The following C3orf49 variants were observed in gnomAD, a reference collection of about 807,000 sequenced individuals.
C3orf49 encodes the protein chromosome 3 open reading frame 49, also known as putative uncharacterized protein C3orf49.
Under a neutral mutation model 13.3 loss-of-function variants are expected in C3orf49, and 27 were observed. The observed-to-expected ratio is 2.02, with a 90% CI of 1.49 to 2.79. C3orf49 has a LOEUF of 2.79. Ranked by LOEUF, C3orf49 falls within the 30% of genes most tolerant of loss-of-function variation. The probability of loss-of-function intolerance (pLI) is 0.00; values close to 1 mark genes in which losing one functional copy is unlikely to be tolerated. For missense variants in C3orf49, 242 were observed against 134.2 expected, an observed-to-expected ratio of 1.80 and a Z score of -3.97; for synonymous variants, 87 against 47.6, an observed-to-expected ratio of 1.83 and a Z score of -3.40.
At chr3:63,842,012 A>C (rs915228920) in intron 5 of C3orf49, among the ~76,000 whole-genome samples, 1 of 152,190 alleles carries the variant, frequency 6.6e-6, no homozygotes, top group Admixed American at 6.5e-5. Context: ...AGTAATAGGA[A>C]AACAACATCT....
the C3orf49 span, among the ~76,000 whole-genome samples, chr3:63,788,563 A>C: frequency 1.3e-5 from 2 of 152,258 alleles, no homozygotes; most frequent in Non-Finnish European, 2.9e-5. Flanking sequence ...AGGCAAGAGA[A>C]GAATGGTCTA....
At chr3:63,847,928 T>A (rs1026366176) in intron 6 of C3orf49, among the ~76,000 whole-genome samples, 1 of 152,060 alleles carries the variant, frequency 6.6e-6, no homozygotes, top group Non-Finnish European at 1.5e-5. Flanking sequence ...TAGGCCATGA[T>A]GGGAATGGGG....
rs1701954459 is a variant in C3orf49, at chr3:63,848,619, A to T, written c.*286A>T. The T allele has an allele frequency of 6.6e-6, 1 of 152,204 alleles. No individual in the cohort carries two copies. Among genetic ancestry groups the T allele is most frequent in the South Asian group, 2.1e-4 (1 of 4,830 alleles). 9.4% of individuals were successfully genotyped at this position (152,204 alleles called of 1,614,324 possible). A position where few individuals can be genotyped will look rare whatever the true frequency, so the allele number is the denominator to read the frequency against. ...GCATGTCTTTAACCTTGGCAAAATA[A>T]ACTCCTAAATTGATTAAGACTTGTC... On this transcript the variant is annotated 3_prime_UTR_variant, in exon 7 of 7. Transcript: ENST00000295896.
the C3orf49 span, among the ~76,000 whole-genome samples, chr3:63,790,386 T>C: frequency 1.3e-5 from 2 of 152,214 alleles, no homozygotes; most frequent in Admixed American, 6.5e-5. Context: ...GTAATGTTTA[T>C]GTACTCTGAA....
intron 5 of C3orf49, chr3:63,838,054 T>C: frequency 6.2e-7 from 1 of 1,605,594 alleles, no homozygotes; most frequent in African/African-American, 1.3e-5. Flanking sequence ...GCTCCAGCTA[T>C]GCTACATTCT....
chr3:63,788,468 G>A, the C3orf49 span, among the ~76,000 whole-genome samples: 6 of 152,160 alleles, frequency 3.9e-5, no homozygotes, highest in Admixed American at 6.5e-5. Context: ...ACGTTGTTAC[G>A]GAGCAACTCA....
rs1374203390 is a variant in C3orf49, at chr3:63,848,467, T to C, written c.*134T>C. The stretch of plus-strand genomic sequence containing the variant: ...ACCTTCAAGCTGTCCTGCTTTTCTG[T>C]ACTGAACCAATATACATCTTACGTG... On this transcript the variant is annotated 3_prime_UTR_variant, in exon 7 of 7. Coordinates refer to ENST00000295896, the MANE Select transcript of C3orf49 (RefSeq NM_001355236.2). The C allele has an allele frequency of 5.9e-5, 9 of 152,224 alleles. No individual in the cohort carries two copies. The highest frequency in any genetic ancestry group is 5.2e-4 in the Admixed American group (8 of 15,276). 9.4% of individuals were successfully genotyped at this position (152,224 alleles called of 1,614,324 possible). A position where few individuals can be genotyped will look rare whatever the true frequency, so the allele number is the denominator to read the frequency against.
chr3:63,816,163 A>G (rs371752277), upstream of C3orf49, among the ~76,000 whole-genome samples: 2 of 148,314 alleles, frequency 1.3e-5, no homozygotes, highest in African/African-American at 5.0e-5. Context: ...GTCTCATAGC[A>G]TACTTTGTCA....
intron 5 of C3orf49, chr3:63,835,350 G>T: frequency 6.2e-7 from 1 of 1,613,474 alleles, no homozygotes; most frequent in Non-Finnish European, 8.5e-7. Flanking sequence ...TCTTTAATGT[G>T]TGAAAGATGC....
chr3:63,845,147 A>G, intron 6 of C3orf49, 65 bp downstream of exon 6: 1 of 627,504 alleles, frequency 1.6e-6, no homozygotes, highest in East Asian at 2.7e-5. Context: ...CTGAGGGTTA[A>G]GTCCCCCTCA....
At chr3:63,827,776 C>G in intron 3 of C3orf49, 51 bp downstream of exon 3, 1 of 686,672 alleles carries the variant, frequency 1.5e-6, no homozygotes, top group South Asian at 1.5e-5. Context: ...AACTCAATGT[C>G]TAGAGATTTT....
chr3:63,828,417 A>G (rs1246978590), intron 3 of C3orf49, among the ~76,000 whole-genome samples: 3 of 152,154 alleles, frequency 2.0e-5, no homozygotes, highest in African/African-American at 7.2e-5. Context: ...CTCTTACCTC[A>G]GCCTCCCATC....
rs1448353566 is a variant in C3orf49, at chr3:63,845,096, T to G, written c.*30+14T>G. On this transcript the variant is annotated intron_variant, in intron 6 of 6. Coordinates refer to ENST00000295896, the MANE Select transcript of C3orf49 (RefSeq NM_001355236.2). ...ACACAGGAAAAGGTGATGCTAACCT[T>G]CTTTTCTGGGGGTGGGGGGTACTAT... 5 of 693,928 alleles carry G rather than the reference T, an allele frequency of 7.2e-6. No homozygotes were observed. Among genetic ancestry groups the G allele is most frequent in the Admixed American group, 2.1e-5 (1 of 48,458 alleles). The allele number at this position is 693,928 out of a possible 1,614,324, so 43.0% of individuals were successfully genotyped here.
upstream of C3orf49, among the ~76,000 whole-genome samples, chr3:63,815,728 T>G (rs2107085757): frequency 6.6e-6 from 1 of 152,220 alleles, no homozygotes; most frequent in South Asian, 2.1e-4. Context: ...TCTACCACGT[T>G]TTTCTACTTT....
At chr3:63,795,237 A>C in the C3orf49 span, among the ~76,000 whole-genome samples, 7 of 152,092 alleles carry the variant, frequency 4.6e-5, no homozygotes, top group African/African-American at 1.7e-4. Flanking sequence ...AATCAGACTG[A>C]TTGAGGGCTA....
At chr3:63,807,857 CAAAAAAAAAAAAAAA>C in the C3orf49 span, among the ~76,000 whole-genome samples, 1 of 32,246 alleles carries the variant, frequency 3.1e-5, no homozygotes, top group South Asian at 1.2e-3. Context: ...AACTTCATCT[CAAAAAAAAAAAAAAA>C]AAAAAAGAAA....
the C3orf49 span, among the ~76,000 whole-genome samples, chr3:63,803,401 TCC>T: frequency 6.6e-6 from 1 of 152,176 alleles, no homozygotes; most frequent in Non-Finnish European, 1.5e-5. Context: ...CCTCTTGCTC[TCC>T]TCCTTTTGCC....
the C3orf49 span, among the ~76,000 whole-genome samples, chr3:63,807,391 A>G: frequency 1.3e-5 from 2 of 152,126 alleles, no homozygotes; most frequent in Non-Finnish European, 2.9e-5. Flanking sequence ...CATTTTCCAC[A>G]TGAGAATGCT....
In C3orf49 at chr3:63,831,857, T is replaced by A; in HGVS notation, c.849+13T>A. 1 of 695,924 alleles carries A rather than the reference T, an allele frequency of 1.4e-6. No homozygotes were observed. The highest frequency in any genetic ancestry group is 2.6e-6 in the Non-Finnish European group (1 of 382,340). 43.1% of individuals were successfully genotyped at this position (695,924 alleles called of 1,614,324 possible). A position where few individuals can be genotyped will look rare whatever the true frequency, so the allele number is the denominator to read the frequency against. The stretch of plus-strand genomic sequence containing the variant: ...TAAATTAAAAAATGTGTGTTTCCCA[T>A]GTACCTGCTGCTGCTTCTGACTTTG... On this transcript the variant is annotated intron_variant, in intron 5 of 6. Coordinates refer to ENST00000295896, the MANE Select transcript of C3orf49 (RefSeq NM_001355236.2).
Sources: gnomAD v4.1 joint callset for allele counts (sites outside exome capture counted in the v4.1 genomes callset) on GRCh38, gnomAD v4.1.1 for gene constraint, MANE v1.5 for transcripts, NCBI Gene and HGNC (gene_info 2026-07-23, HGNC 2026-07-21) for gene names.